Variants in MYO5C observed in about 807,000 individuals in gnomAD.
The protein encoded by MYO5C is myosin VC.
Under a neutral mutation model 235.7 loss-of-function variants are expected in MYO5C, and 194 were observed. The ratio of observed to expected loss-of-function variants is 0.82; its 90% CI spans 0.73 to 0.93. MYO5C has a LOEUF of 0.93. MYO5C is among the 40% of genes least tolerant of loss of function. MYO5C has a pLI of 0.00. For missense variants in MYO5C, 2,038 were observed against 2,127.2 expected (o/e 0.96, Z 0.82); for synonymous variants, 707 against 754.8 (o/e 0.94, Z 1.04).
At chr15:52,278,437 A>G (rs2037095912) in intron 4 of MYO5C, among the ~76,000 whole-genome samples, 1 of 152,076 alleles carries the variant, frequency 6.6e-6, no homozygotes, top group African/African-American at 2.4e-5. Context: ...AGGGCCCTAC[A>G]AACACCTAGC....
Position 52,229,290 on chromosome 15 carries a change from A to G in MYO5C, c.3050T>C (p.Leu1017Pro), listed in dbSNP as rs781077779. ...QRMLLEKSFE[L>P]KTQDYEKQIQ... ...CTGCTTCTCATAGTCTTGTGTTTTCAGTTCAAAACTTTTTTCAAGAAGCCT... is the reference window on the plus strand; with the variant it reads ...CTGCTTCTCATAGTCTTGTGTTTTCGGTTCAAAACTTTTTTCAAGAAGCCT... The change falls in exon 25 of 41, where the codon CTG becomes CCG. Residue 1017 changes from leucine (L) to proline (P), a missense_variant. By Grantham distance (98) the Leu-to-Pro change is moderately conservative. Coordinates refer to ENST00000261839, the MANE Select transcript of MYO5C (RefSeq NM_018728.4). 1.2e-6 allele frequency: 2 copies of G among 1,613,830 alleles called. No individual in the cohort carries two copies. Among genetic ancestry groups the G allele is most frequent in the Non-Finnish European group, 1.7e-6 (2 of 1,179,970 alleles).
intron 32 of MYO5C, among the ~76,000 whole-genome samples, chr15:52,215,839 C>G (rs565669040): frequency 6.6e-6 from 1 of 152,198 alleles, no homozygotes; most frequent in Non-Finnish European, 1.5e-5. Context: ...TTTCCCATGT[C>G]ATTGATAATA....
At chr15:52,288,513 A>G (rs1435604130) in intron 1 of MYO5C, among the ~76,000 whole-genome samples, 1 of 152,206 alleles carries the variant, frequency 6.6e-6, no homozygotes, top group African/African-American at 2.4e-5. Flanking sequence ...CCTGCAGCTG[A>G]AACCCAGCCT....
At chr15:52,257,900 G>A (rs1033377896) in intron 10 of MYO5C, among the ~76,000 whole-genome samples, 3 of 152,216 alleles carry the variant, frequency 2.0e-5, no homozygotes, top group African/African-American at 7.2e-5. Flanking sequence ...CCTGGGCAGG[G>A]TAAGAACCTG....
chr15:52,253,893 T>A (rs1186068118), intron 11 of MYO5C, among the ~76,000 whole-genome samples: 1 of 151,522 alleles, frequency 6.6e-6, no homozygotes, highest in Non-Finnish European at 1.5e-5. Flanking sequence ...CGTGCACTAC[T>A]CACTTGGGCT....
Position 52,196,355 on chromosome 15 carries a change from T to A in MYO5C, c.4949A>T (p.Asp1650Val), listed in dbSNP as rs2035052416. 6.2e-7 allele frequency: 1 copy of A among 1,613,906 alleles called. No individual in the cohort carries two copies. Among genetic ancestry groups the A allele is most frequent in the African/African-American group, 1.3e-5 (1 of 74,920 alleles). The change falls in exon 39 of 41, where the codon GAT (aspartate) becomes GTT (valine). Residue 1650 changes from aspartate (D) to valine (V), a missense_variant. By Grantham distance (152) the Asp-to-Val change is radical (BLOSUM62 -3). Coordinates refer to ENST00000261839, the MANE Select transcript of MYO5C (RefSeq NM_018728.4). ...LLQVKKTTDS[D>V]AKEIYERCTS... ...GCAGCGTTCGTAGATCTCCTTGGCA[T>A]CACTGTCTGTGGTCTTCTTGACCTG...
At chr15:52,241,548 C>T (rs917956990) in intron 20 of MYO5C, among the ~76,000 whole-genome samples, 2 of 152,264 alleles carry the variant, frequency 1.3e-5, no homozygotes, top group Middle Eastern at 3.4e-3. Context: ...TGTGAGCCAC[C>T]GTGCCCAGCC....
chr15:52,288,823 CCT>C (rs1318600501), intron 1 of MYO5C, among the ~76,000 whole-genome samples: 1 of 152,208 alleles, frequency 6.6e-6, no homozygotes, highest in African/African-American at 2.4e-5. Context: ...TCCCAACTTC[CCT>C]GAGTGCCCTC....
At chr15:52,259,156 C>T (rs1039508487) in intron 10 of MYO5C, among the ~76,000 whole-genome samples, 1 of 152,184 alleles carries the variant, frequency 6.6e-6, no homozygotes, top group African/African-American at 2.4e-5. Context: ...TGCAGTGGCT[C>T]ACGCCTGTAA....
chr15:52,293,075 T>G (rs1263763514), intron 1 of MYO5C, among the ~76,000 whole-genome samples: 1 of 152,194 alleles, frequency 6.6e-6, no homozygotes, highest in African/African-American at 2.4e-5. Context: ...AGATTTCAAA[T>G]AGGGGAACTG....
chr15:52,294,461 A>C (rs776523305), intron 1 of MYO5C, among the ~76,000 whole-genome samples: 15 of 152,264 alleles, frequency 9.9e-5, no homozygotes, highest in Non-Finnish European at 1.8e-4. Context: ...TTGTGTCCGG[A>C]CTGTTACTAA....
At chr15:52,233,670 A>G (rs978128294) in intron 23 of MYO5C, among the ~76,000 whole-genome samples, 1 of 152,248 alleles carries the variant, frequency 6.6e-6, no homozygotes, top group African/African-American at 2.4e-5. Flanking sequence ...CTGAAATACA[A>G]GAGTCGCAAA....
At chr15:52,279,485 A>C (rs2037120440) in intron 3 of MYO5C, 24 bp downstream of exon 3, 22 of 1,594,552 alleles carry the variant, frequency 1.4e-5, no homozygotes, top group Non-Finnish European at 1.7e-5. Flanking sequence ...GCCATTCCTT[A>C]CTTCCTAGAA....
chr15:52,270,598 A>G (rs868618421), intron 7 of MYO5C, among the ~76,000 whole-genome samples: 2 of 151,274 alleles, frequency 1.3e-5, no homozygotes, highest in Non-Finnish European at 2.9e-5. Context: ...ATGTATATAT[A>G]CACACACATT....
intron 8 of MYO5C, 56 bp from the exon 9 acceptor site, chr15:52,264,352 G>T: frequency 7.4e-7 from 1 of 1,348,542 alleles, no homozygotes. Flanking sequence ...TGACTAGTAA[G>T]ATGGGCACCT....
Position 52,208,545 on chromosome 15 carries a change from GC to G in MYO5C, c.4386+8del. 6.2e-7 allele frequency: 1 copy of G among 1,612,646 alleles called. No individual in the cohort carries two copies. Among genetic ancestry groups the G allele is most frequent in the Non-Finnish European group, 8.5e-7 (1 of 1,179,062 alleles). ...AGCACAAAACAACAAGCAGGTGGGC[GC>G]CCCCTACCTCTTCTCCGCTGTACTG... is the stretch of plus-strand genomic sequence containing the variant. On this transcript the variant is annotated splice_region_variant and intron_variant, in intron 36 of 40. Coordinates refer to ENST00000261839, the MANE Select transcript of MYO5C (RefSeq NM_018728.4).
intron 1 of MYO5C, among the ~76,000 whole-genome samples, chr15:52,287,517 T>A (rs527751667): frequency 6.6e-6 from 1 of 152,334 alleles, no homozygotes; most frequent in Non-Finnish European, 1.5e-5. Context: ...ATCAGAACAA[T>A]GAATGTTAAT....
In MYO5C at chr15:52,205,192, C is replaced by G; in HGVS notation, c.4538-45G>C. ...CTGTGCTGACACGCCAGGAGACACA[C>G]GCGGAACGTTCCCGACGCTCTTCGG... On this transcript the variant is annotated intron_variant, in intron 37 of 40. Coordinates refer to ENST00000261839, the MANE Select transcript of MYO5C (RefSeq NM_018728.4). 3 of 1,596,408 alleles carry G rather than the reference C, an allele frequency of 1.9e-6. No homozygotes were observed. In the South Asian group the frequency reaches 3.3e-5, roughly 18 times the overall value.
At chr15:52,283,152 T>A (rs1363357713) in intron 1 of MYO5C, among the ~76,000 whole-genome samples, 2 of 152,036 alleles carry the variant, frequency 1.3e-5, no homozygotes. Context: ...GGGAAAGAAA[T>A]CCGCGAGTCC....
Sources: allele counts gnomAD v4.1 joint callset (sites outside exome capture counted in the v4.1 genomes callset), GRCh38; gene constraint gnomAD v4.1.1; transcripts MANE v1.5; gene names NCBI Gene and HGNC (gene_info 2026-07-23, HGNC 2026-07-21).